ST18: variants seen among roughly 807,000 people sequenced by gnomAD.
ST18 encodes ST18 C2H2C-type zinc finger transcription factor, also known as suppression of tumorigenicity 18 protein.
Under a neutral mutation model 110.0 loss-of-function variants are expected in ST18, and 50 were observed. That is an observed-to-expected ratio of 0.45 (90% CI 0.36 to 0.58). The LOEUF is 0.58. Ranked by LOEUF, ST18 falls within the 20% of genes least tolerant of loss-of-function variation. The pLI is 0.00. For missense variants in ST18, 1,306 were observed against 1,280.1 expected, an observed-to-expected ratio of 1.02 and a Z score of -0.31; for synonymous variants, 461 against 452.4, an observed-to-expected ratio of 1.02 and a Z score of -0.24.
chr8:52,334,178 TAC>T (rs1286356321), intron 2 of ST18, among the ~76,000 whole-genome samples: 4 of 152,392 alleles, frequency 2.6e-5, no homozygotes, highest in Non-Finnish European at 4.4e-5. Flanking sequence ...ATCTTTCTTC[TAC>T]ACTTTAGCCA....
chr8:52,138,638 C>T (rs2053501604), intron 17 of ST18, among the ~76,000 whole-genome samples: 1 of 152,166 alleles, frequency 6.6e-6, no homozygotes, highest in African/African-American at 2.4e-5. Flanking sequence ...CAGTTTTCTT[C>T]CACAATTAAT....
At chr8:52,340,073 T>G (rs1375314037) in intron 2 of ST18, among the ~76,000 whole-genome samples, 1 of 152,246 alleles carries the variant, frequency 6.6e-6, no homozygotes, top group Non-Finnish European at 1.5e-5. Context: ...ATTCAAAGTC[T>G]TATTTCTTCA....
intron 8 of ST18, among the ~76,000 whole-genome samples, chr8:52,197,376 G>GTTGTAAA (rs2076498792): frequency 6.6e-6 from 1 of 152,182 alleles, no homozygotes; most frequent in African/African-American, 2.4e-5. Context: ...TTACGTTTGT[G>GTTGTAAA]AAGCAGGCAC....
rs1020959346 is a variant in ST18 at position 52,218,133 on chromosome 8, A to G, written c.-156-232T>C. Among the ~76,000 whole-genome samples the G allele has an allele frequency of 2.0e-5, 3 of 152,180 alleles. No individual in the cohort carries two copies. In the South Asian group the frequency reaches 6.2e-4, roughly 32 times the overall value. ...ATTTAATTACTTATTAAAAAGCTGA[A>G]CATAAGAAATCCCTTGGCTATGTTG... is the stretch of plus-strand genomic sequence containing the variant. On this transcript the variant is annotated intron_variant, in intron 5 of 25. Coordinates refer to ENST00000689386, the MANE Select transcript of ST18 (RefSeq NM_001352837.2).
chr8:52,308,972 A>G (rs541016361), intron 2 of ST18, among the ~76,000 whole-genome samples: 1 of 152,378 alleles, frequency 6.6e-6, no homozygotes, highest in South Asian at 2.1e-4. Flanking sequence ...TGTGTTAAAC[A>G]TTAGCTAAGT....
intron 2 of ST18, among the ~76,000 whole-genome samples, chr8:52,380,295 T>C (rs1834012978): frequency 6.6e-6 from 1 of 152,236 alleles, no homozygotes; most frequent in Admixed American, 6.5e-5. Context: ...TTATTTTTTC[T>C]TAATATTTTC....
intron 9 of ST18, among the ~76,000 whole-genome samples, chr8:52,178,614 C>CAAAAAAAAAAAAAA (rs869184166): frequency 4.2e-4 from 1 of 2,382 alleles, no homozygotes; most frequent in African/African-American, 2.5e-3. Flanking sequence ...GAGACTCCAT[C>CAAAAAAAAAAAAAA]AAAAAAAAAA....
chr8:52,274,119 G>C (rs1436825598), intron 2 of ST18, among the ~76,000 whole-genome samples: 1 of 152,074 alleles, frequency 6.6e-6, no homozygotes, highest in Non-Finnish European at 1.5e-5. Context: ...AGAAGCTAAA[G>C]AAGAACAGGC....
intron 17 of ST18, among the ~76,000 whole-genome samples, chr8:52,141,911 G>A (rs1428632440): frequency 1.3e-5 from 2 of 152,180 alleles, no homozygotes; most frequent in Admixed American, 6.5e-5. Flanking sequence ...GGAAGAAAGG[G>A]TCCCAGGACG....
At chr8:52,375,183 C>T (rs1831817331) in intron 2 of ST18, among the ~76,000 whole-genome samples, 1 of 152,116 alleles carries the variant, frequency 6.6e-6, no homozygotes, top group African/African-American at 2.4e-5. Flanking sequence ...AGCATATAAG[C>T]ATGCTGTTAT....
intron 2 of ST18, among the ~76,000 whole-genome samples, chr8:52,311,217 C>T (rs780661471): frequency 2.0e-5 from 3 of 152,182 alleles, no homozygotes; most frequent in Non-Finnish European, 2.9e-5. Flanking sequence ...GACATTCCTG[C>T]GGGGCTCAGC....
chr8:52,285,096 G>A (rs927447493), intron 2 of ST18, among the ~76,000 whole-genome samples: 2 of 152,168 alleles, frequency 1.3e-5, no homozygotes, highest in Non-Finnish European at 2.9e-5. Flanking sequence ...TTTGTGGGTT[G>A]CTTCTGAGAT....
chr8:52,125,935 T>G, intron 23 of ST18, 117 bp downstream of exon 23: 1 of 812,800 alleles, frequency 1.2e-6, no homozygotes, highest in East Asian at 2.6e-5. Context: ...GAAACCTTTC[T>G]TCTTGTACAT....
intron 8 of ST18, among the ~76,000 whole-genome samples, chr8:52,191,797 G>A (rs1322795948): frequency 2.0e-5 from 3 of 152,112 alleles, no homozygotes; most frequent in Non-Finnish European, 4.4e-5. Context: ...AAGAAAATAT[G>A]CGGGCCCATG....
At chr8:52,214,396 A>G in intron 6 of ST18, 139 bp from the exon 7 acceptor site, 1 of 769,934 alleles carries the variant, frequency 1.3e-6, no homozygotes, top group East Asian at 2.6e-5. Flanking sequence ...GCTCTATAGT[A>G]CATAACTGTG....
intron 2 of ST18, among the ~76,000 whole-genome samples, chr8:52,252,548 T>C (rs1048022767): frequency 1.3e-5 from 2 of 151,912 alleles, no homozygotes; most frequent in African/African-American, 4.8e-5. Context: ...TAGGATCTCA[T>C]AAAAGTTTCA....
intron 2 of ST18, among the ~76,000 whole-genome samples, chr8:52,352,776 T>C (rs1467070556): frequency 6.6e-6 from 1 of 152,220 alleles, no homozygotes; most frequent in African/African-American, 2.4e-5. Context: ...ATCACGGGAC[T>C]GCGCAAAACA....
chr8:52,262,060 C>T (rs1003810145), intron 2 of ST18, among the ~76,000 whole-genome samples: 3 of 152,166 alleles, frequency 2.0e-5, no homozygotes, highest in Non-Finnish European at 4.4e-5. Context: ...AGCATCTGCT[C>T]AGCATATGTT....
chr8:52,223,643 C>CAAA (rs200869357), intron 3 of ST18, among the ~76,000 whole-genome samples: 1 of 115,562 alleles, frequency 8.7e-6, no homozygotes, highest in Non-Finnish European at 1.9e-5. Flanking sequence ...GACTCTGTCT[C>CAAA]AAAAAAAAAA....
Sources: allele counts gnomAD v4.1 joint callset (sites outside exome capture counted in the v4.1 genomes callset), GRCh38; gene constraint gnomAD v4.1.1; transcripts MANE v1.5; gene names NCBI Gene and HGNC (gene_info 2026-07-23, HGNC 2026-07-21).